KRT39: variants seen among roughly 807,000 people sequenced by gnomAD.
The protein encoded by KRT39 is keratin, type I cytoskeletal 39.
Under a neutral mutation model 54.8 loss-of-function variants are expected in KRT39, and 47 were observed. The ratio of observed to expected loss-of-function variants is 0.86; its 90% CI spans 0.68 to 1.09. The LOEUF is 1.09. Ranked by LOEUF, KRT39 falls within the 50% of genes least tolerant of loss-of-function variation. The pLI, the probability that KRT39 is intolerant of heterozygous loss-of-function variation, is 0.00. For synonymous variants in KRT39, 207 were observed against 227.9 expected (o/e 0.91, Z 0.83); for missense variants, 580 against 598.5 (o/e 0.97, Z 0.32).
chr17:40,960,230 C>G, intron 6 of KRT39, 51 bp downstream of exon 6: 1 of 1,525,450 alleles, frequency 6.6e-7, no homozygotes, highest in Non-Finnish European at 9.0e-7. Flanking sequence ...GTACATATAT[C>G]TGCGTTCATT....
At chr17:40,962,970 G>A (rs1311863780) in intron 3 of KRT39, among the ~76,000 whole-genome samples, 2 of 152,168 alleles carry the variant, frequency 1.3e-5, no homozygotes, top group African/African-American at 2.4e-5. Context: ...CCTGTATAGG[G>A]ATGCCTACAA....
rs546279378 is a variant in KRT39 at position 40,961,454 on chromosome 17, G to A, written c.996+708C>T. On this transcript the variant is annotated intron_variant, in intron 5 of 6. Coordinates refer to ENST00000355612, the MANE Select transcript of KRT39 (RefSeq NM_213656.4). ...ATGACTAGCTGGTGACAAAACCAGT[G>A]TGGGGCAAGGTCTTCCCAAAAGCCT... 2.0e-5 allele frequency among the ~76,000 whole-genome samples: 3 copies of A among 152,328 alleles called. No homozygotes were observed. The South Asian group carries it at 6.2e-4, about 32-fold the overall frequency.
In KRT39 at chr17:40,960,472, C is replaced by T; in HGVS notation, c.1026G>A (p.Glu342=). ...GCAAGGCCGTGTAGCGAGCCTCTGT[C>T]TCCGTTAGGATGCACTCTTGGGAAT... The part of the protein sequence containing the change: ...MRDSQECILT[E]TEARYTALLT... The change falls in exon 6 of 7, where the codon GAG becomes GAA. Residue 342 remains glutamate (E), a synonymous_variant. Transcript: ENST00000355612. 1 of 1,614,078 alleles carries T rather than the reference C, an allele frequency of 6.2e-7. No homozygotes were observed. The highest frequency in any genetic ancestry group is 8.5e-7 in the Non-Finnish European group (1 of 1,180,010).
In KRT39 at chr17:40,958,855, G is replaced by A. The variant is rs1453227689; in HGVS notation, c.1222C>T (p.Pro408Ser). ...CATTTGGTGGCACGTGGGTAACAGGGACGCCTAAGGAAAAAAAACACAATT... is the reference window on the plus strand; with the variant it reads ...CATTTGGTGGCACGTGGGTAACAGGAACGCCTAAGGAAAAAAAACACAATT... Reference protein sequence around the residue: ...SLLESSDGKRPCYPRATKCEP... With the variant: ...SLLESSDGKRSCYPRATKCEP... The change falls in exon 7 of 7, where the codon CCC (proline) becomes TCC (serine). Residue 408 changes from proline to serine, a missense_variant. Pro to Ser is a moderately conservative substitution (Grantham distance 74). Transcript: ENST00000355612. 1.3e-6 allele frequency: 2 copies of A among 1,575,524 alleles called. No individual in the cohort carries two copies. The highest frequency in any genetic ancestry group is 1.2e-5 in the South Asian group (1 of 86,262).
rs147234820 is a variant in KRT39 at position 40,966,687 on chromosome 17, T to G, written c.170A>C (p.Gln57Pro). 72 of 1,614,236 alleles carry G rather than the reference T, an allele frequency of 4.5e-5. No homozygotes were observed. The highest frequency in any genetic ancestry group is 4.5e-4 in the East Asian group (20 of 44,880). The change falls in exon 1 of 7, where the codon CAG becomes CCG. Residue 57 changes from glutamine to proline, a missense_variant. Physicochemically the swap from Gln to Pro is moderately conservative, Grantham distance 76. Coordinates refer to ENST00000355612, the MANE Select transcript of KRT39 (RefSeq NM_213656.4). ...AAAGCGAGGAGTGGGTTGGCAGCCC[T>G]GGTCCCAGGGAATTCTGAGAACGTG... ...AGHVLRIPWD[Q>P]GCQPTPRFCR...
chr17:40,959,040 T>C (rs973494853), intron 6 of KRT39, among the ~76,000 whole-genome samples, 181 bp from the exon 7 acceptor site: 3 of 152,220 alleles, frequency 2.0e-5, no homozygotes, highest in African/African-American at 7.2e-5. Flanking sequence ...TTAAATCCAT[T>C]GGAAATCAGC....
rs1208174723 is a variant in KRT39 at position 40,965,109 on chromosome 17, C to T, written c.469-581G>A. ...GTCCCAGCTACTTGGGAGGCTGAGG[C>T]AGGAGAATGGCATGAACCCAGGAAG... On this transcript the variant is annotated intron_variant, in intron 1 of 6. Transcript: ENST00000355612. Among the ~76,000 whole-genome samples the T allele has an allele frequency of 1.1e-4, 17 of 151,508 alleles. 1 individual carries two copies. The highest frequency in any genetic ancestry group is 1.1e-3 in the Admixed American group (17 of 15,204).
At chr17:40,963,991 C>T in intron 2 of KRT39, 1 of 452,070 alleles carries the variant, frequency 2.2e-6, no homozygotes, top group Non-Finnish European at 3.9e-6. Flanking sequence ...ATCTACATTG[C>T]TGTTCTTTGA....
rs549161009 is a variant in KRT39 at position 40,958,587 on chromosome 17, A to C, written c.*14T>G. 4.0e-5 allele frequency: 64 copies of C among 1,581,308 alleles called. No individual in the cohort carries two copies. The South Asian group carries it at 6.7e-4, about 17-fold the overall frequency. On this transcript the variant is annotated 3_prime_UTR_variant, in exon 7 of 7. Coordinates refer to ENST00000355612, the MANE Select transcript of KRT39 (RefSeq NM_213656.4). ...TGTTTCATAAATGTGGGTCATTTTC[A>C]TCACCTTGGGATGTTAGACTTTGGC...
Position 40,960,475 on chromosome 17 carries a change from C to T in KRT39, c.1023G>A (p.Thr341=), listed in dbSNP as rs138568359. 7.0e-5 allele frequency: 113 copies of T among 1,613,822 alleles called. No individual in the cohort carries two copies. Among genetic ancestry groups the T allele is most frequent in the Middle Eastern group, 1.6e-4 (1 of 6,084 alleles). The change falls in exon 6 of 7, where the codon ACG becomes ACA. Residue 341 remains threonine (T), a synonymous_variant. Coordinates refer to ENST00000355612, the MANE Select transcript of KRT39 (RefSeq NM_213656.4). The stretch of plus-strand genomic sequence containing the variant: ...AGGCCGTGTAGCGAGCCTCTGTCTC[C>T]GTTAGGATGCACTCTTGGGAATCTC... ...RMRDSQECIL[T]ETEARYTALL... is the part of the protein sequence containing the mutation.
In KRT39 at chr17:40,958,689, G is replaced by T. The variant is rs1911003418; in HGVS notation, c.1388C>A (p.Thr463Asn). ...CCCATCCTTAATCTCCTTGGTGATG[G>T]TGCAAATTTTAACCAGTATCCGGGA... ...PLSRILVKIC[T>N]ITKEIKDGKV... Residue 463 changes from threonine to asparagine, a missense_variant, in exon 7 of 7, where the codon ACC (threonine) becomes AAC (asparagine). By Grantham distance (65) the Thr-to-Asn change is moderately conservative (BLOSUM62 0). Transcript: ENST00000355612. 2.5e-6 allele frequency: 4 copies of T among 1,614,088 alleles called. No homozygotes were observed. In the East Asian group the frequency reaches 6.7e-5, roughly 27 times the overall value.
rs745465736 is a variant in KRT39, at chr17:40,965,874, G to A, written c.468+515C>T. 3.9e-5 allele frequency among the ~76,000 whole-genome samples: 6 copies of A among 152,094 alleles called. No individual in the cohort carries two copies. In the East Asian group the frequency reaches 7.7e-4, roughly 20 times the overall value. ...TATTTCTGGAGAAAGGAAACACCATGAGACTCTTCTTTTTGTTTCTGATTT... is the reference window on the plus strand; with the variant it reads ...TATTTCTGGAGAAAGGAAACACCATAAGACTCTTCTTTTTGTTTCTGATTT... On this transcript the variant is annotated intron_variant, in intron 1 of 6. Coordinates refer to ENST00000355612, the MANE Select transcript of KRT39 (RefSeq NM_213656.4).
At position 40,966,897 on chromosome 17, in the gene KRT39, C is replaced by A. The variant is rs1911425761; in HGVS notation, c.-41G>T. On this transcript the variant is annotated 5_prime_UTR_variant, in exon 1 of 7. Transcript: ENST00000355612. ...TTAGTTTGTTCCAGGTCTGTGGTCA[C>A]CAGGATGAAAAGCTCAAGCCACCTC... 6.8e-7 allele frequency: 1 copy of A among 1,476,466 alleles called. No homozygotes were observed. The highest frequency in any genetic ancestry group is 9.4e-7 in the Non-Finnish European group (1 of 1,061,154). The allele number at this position is 1,476,466 out of a possible 1,614,324, so 91.5% of individuals were successfully genotyped here. A position where few individuals can be genotyped will look rare whatever the true frequency, so the allele number is the denominator to read the frequency against.
Position 40,966,828 on chromosome 17 carries a change from T to C in KRT39, c.29A>G (p.Asn10Ser). The change falls in exon 1 of 7, where the codon AAT (asparagine) becomes AGT (serine). Residue 10 changes from asparagine to serine, a missense_variant. Transcript: ENST00000355612. MDTKGCTTT[N>S]SPSTPCQNCS... ...GTTTTGACATGGGGTTGAAGGAGAA[T>C]TGGTTGTTGTACAGCCCTTGGTGTC... 6.2e-7 allele frequency: 1 copy of C among 1,613,422 alleles called. No individual in the cohort carries two copies. Among genetic ancestry groups the C allele is most frequent in the Non-Finnish European group, 8.5e-7 (1 of 1,179,450 alleles).
At chr17:40,964,346 G>T in intron 2 of KRT39, 100 bp downstream of exon 2, 2 of 918,688 alleles carry the variant, frequency 2.2e-6, no homozygotes, top group South Asian at 2.7e-5. Flanking sequence ...ACATCATCTG[G>T]GGCAAGAGGG....
chr17:40,962,238 C>G lies in KRT39; in HGVS notation c.920G>C (p.Cys307Ser). ...QVVTSSQQQQ[C>S]CQKEIIELRR... is the part of the protein sequence containing the mutation. ...CAGTTCTATGATCTCCTTTTGGCAG[C>G]ATTGCTGCTGTTGAGAGCTGGTCAC... The change falls in exon 5 of 7, where the codon TGC (cysteine) becomes TCC (serine). Residue 307 changes from cysteine to serine, a missense_variant. Physicochemically the swap from Cys to Ser is moderately radical, Grantham distance 112. Coordinates refer to ENST00000355612, the MANE Select transcript of KRT39 (RefSeq NM_213656.4). The G allele has an allele frequency of 6.2e-7, 1 of 1,614,220 alleles. No individual in the cohort carries two copies. The highest frequency in any genetic ancestry group is 8.5e-7 in the Non-Finnish European group (1 of 1,180,042).
In KRT39 at chr17:40,966,544, C is replaced by T. The variant is rs764317533; in HGVS notation, c.313G>A (p.Glu105Lys). 1.3e-5 allele frequency: 21 copies of T among 1,614,184 alleles called. No individual in the cohort carries two copies. Among genetic ancestry groups the T allele is most frequent in the Non-Finnish European group, 1.7e-5 (20 of 1,180,024 alleles). Residue 105 changes from glutamate to lysine, a missense_variant, in exon 1 of 7, where the codon GAG (glutamate) becomes AAG (lysine). Coordinates refer to ENST00000355612, the MANE Select transcript of KRT39 (RefSeq NM_213656.4). ...TTTTGCAGGTAGTTAGCAAGGCGCTCGTTCAAGATTTGCATGGTCTCCTTC... is the reference window on the plus strand; with the variant it reads ...TTTTGCAGGTAGTTAGCAAGGCGCTTGTTCAAGATTTGCATGGTCTCCTTC... The part of the protein sequence containing the change: ...NEKETMQILN[E>K]RLANYLQKVR...
At chr17:40,959,952 G>T (rs1397071071) in intron 6 of KRT39, among the ~76,000 whole-genome samples, 1 of 152,102 alleles carries the variant, frequency 6.6e-6, no homozygotes, top group East Asian at 1.9e-4. Context: ...ATCTGTAATG[G>T]TCACCAGGAA....
rs1357363340 is a variant in KRT39, at chr17:40,960,451, G to A, written c.1047C>T (p.Ala349=). 16 of 1,613,954 alleles carry A rather than the reference G, an allele frequency of 9.9e-6. No homozygotes were observed. Among genetic ancestry groups the A allele is most frequent in the Non-Finnish European group, 1.4e-5 (16 of 1,180,018 alleles). ...TCAGACTCTGGATCTGGGTCAGCAA[G>A]GCCGTGTAGCGAGCCTCTGTCTCCG... ...ILTETEARYT[A]LLTQIQSLID... The change falls in exon 6 of 7, where the codon GCC becomes GCT. Residue 349 remains alanine (A), a synonymous_variant. Transcript: ENST00000355612.
Sources: gnomAD v4.1 joint callset for allele counts (sites outside exome capture counted in the v4.1 genomes callset) on GRCh38, gnomAD v4.1.1 for gene constraint, MANE v1.5 for transcripts, NCBI Gene and HGNC (gene_info 2026-07-23, HGNC 2026-07-21) for gene names.